The following THSD7B variants were observed in gnomAD, a reference collection of about 807,000 sequenced individuals.
THSD7B encodes the protein thrombospondin type 1 domain containing 7B.
In THSD7B, 138 loss-of-function variants were observed where a neutral mutation model predicts 213.6. That is an observed-to-expected ratio of 0.65 (90% CI 0.56 to 0.74). The LOEUF (loss-of-function observed/expected upper bound fraction) is 0.74, where lower values mean the gene tolerates loss of function less well. Among genes scored for constraint, THSD7B ranks in the 30% least tolerant of loss-of-function variants. The probability of loss-of-function intolerance (pLI) is 0.00; values close to 1 mark genes in which losing one functional copy is unlikely to be tolerated. For missense variants in THSD7B, 1,931 were observed against 1,991.5 expected, an observed-to-expected ratio of 0.97 and a Z score of 0.58; for synonymous variants, 742 against 687.0, an observed-to-expected ratio of 1.08 and a Z score of -1.25.
At chr2:136,929,172 A>G (rs1684590024) in intron 2 of THSD7B, among the ~76,000 whole-genome samples, 1 of 152,196 alleles carries the variant, frequency 6.6e-6, no homozygotes, top group South Asian at 2.1e-4. Context: ...AATGTGTGGG[A>G]TTGCCCGTTT....
At chr2:137,546,139 C>T (rs1349720292) in intron 15 of THSD7B, among the ~76,000 whole-genome samples, 1 of 149,270 alleles carries the variant, frequency 6.7e-6, no homozygotes, top group East Asian at 2.0e-4. Flanking sequence ...GATTTTTACT[C>T]TCCAGAACGA....
At chr2:136,888,910 C>T (rs1383665823) in intron 2 of THSD7B, among the ~76,000 whole-genome samples, 1 of 151,112 alleles carries the variant, frequency 6.6e-6, no homozygotes, top group East Asian at 1.9e-4. Flanking sequence ...ATATCCCCAG[C>T]ACATTAAATA....
intron 12 of THSD7B, among the ~76,000 whole-genome samples, chr2:137,311,974 G>T (rs1218078031): frequency 1.4e-5 from 2 of 145,394 alleles, no homozygotes; most frequent in African/African-American, 2.6e-5. Context: ...TCTCTTTTTT[G>T]GTTGTGTCTC....
rs773745853 is a variant in THSD7B, at chr2:137,563,318, T to C, written c.3236T>C (p.Leu1079Pro). The change falls in exon 16 of 28, where the codon CTG becomes CCG. Residue 1079 changes from leucine to proline, a missense_variant. By Grantham distance (98) the Leu-to-Pro change is moderately conservative (BLOSUM62 -3). Coordinates refer to ENST00000409968, the MANE Select transcript of THSD7B (RefSeq NM_001316349.2). Reference protein sequence around the residue: ...SCKINNELRSLRCGGGTQSRK... With the variant: ...SCKINNELRSPRCGGGTQSRK... ...AAAATCAACAATGAGCTGAGGTCCC[T>C]GCGCTGTGGAGGAGGAACACAATCT... 4 of 1,613,406 alleles carry C rather than the reference T, an allele frequency of 2.5e-6. No homozygotes were observed. In the East Asian group the frequency reaches 6.7e-5, roughly 27 times the overall value.
At chr2:136,917,830 G>A (rs1004733252) in intron 2 of THSD7B, among the ~76,000 whole-genome samples, 2 of 152,126 alleles carry the variant, frequency 1.3e-5, no homozygotes, top group African/African-American at 2.4e-5. Flanking sequence ...ATTCAAATGC[G>A]CCTTGAGCGA....
rs1174108301 is a variant in THSD7B, at chr2:137,677,624, A to C, written c.*1019A>C. On this transcript the variant is annotated 3_prime_UTR_variant, in exon 28 of 28. Coordinates refer to ENST00000409968, the MANE Select transcript of THSD7B (RefSeq NM_001316349.2). Reference sequence around the variant, plus strand: ...AAAAAGCTGAGACCATTTTATGAAGATAATTGTTTGTAATCATAGGTGTTG... The same window carrying C: ...AAAAAGCTGAGACCATTTTATGAAGCTAATTGTTTGTAATCATAGGTGTTG... 1 of 152,656 alleles carries C rather than the reference A, an allele frequency of 6.6e-6. No homozygotes were observed. The highest frequency in any genetic ancestry group is 1.5e-5 in the Non-Finnish European group (1 of 68,036). 9.5% of individuals were successfully genotyped at this position (152,656 alleles called of 1,614,324 possible).
At chr2:137,333,225 A>G (rs1372627757) in intron 12 of THSD7B, among the ~76,000 whole-genome samples, 1 of 152,006 alleles carries the variant, frequency 6.6e-6, no homozygotes, top group African/African-American at 2.4e-5. Flanking sequence ...CGATACATCT[A>G]CCTCCTGGGA....
At chr2:137,326,257 A>G (rs897026885) in intron 12 of THSD7B, among the ~76,000 whole-genome samples, 56 of 152,342 alleles carry the variant, frequency 3.7e-4, no homozygotes, top group African/African-American at 1.3e-3. Context: ...TCAGAAGGGT[A>G]AGAGTGAATA....
At chr2:137,420,419 C>T (rs1269955799) in intron 14 of THSD7B, among the ~76,000 whole-genome samples, 1 of 152,166 alleles carries the variant, frequency 6.6e-6, no homozygotes. Context: ...TGAAAAACCA[C>T]AGACAGTCTT....
At chr2:137,229,235 T>G (rs1350454712) in intron 7 of THSD7B, among the ~76,000 whole-genome samples, 1 of 152,210 alleles carries the variant, frequency 6.6e-6, no homozygotes, top group Non-Finnish European at 1.5e-5. Context: ...TAAAGTATTT[T>G]GTGCACAGAT....
At chr2:137,436,876 CA>C (rs1181822320) in intron 14 of THSD7B, among the ~76,000 whole-genome samples, 1 of 152,098 alleles carries the variant, frequency 6.6e-6, no homozygotes, top group African/African-American at 2.4e-5. Context: ...GTACTGTTGA[CA>C]AGCCCCCAGA....
intron 7 of THSD7B, among the ~76,000 whole-genome samples, chr2:137,192,424 T>C (rs536601606): frequency 3.3e-5 from 5 of 152,194 alleles, no homozygotes; most frequent in African/African-American, 1.2e-4. Context: ...GCCAGAGTGA[T>C]TGGGGCTGGG....
chr2:137,525,335 C>T (rs1234401228), intron 15 of THSD7B, among the ~76,000 whole-genome samples: 3 of 152,176 alleles, frequency 2.0e-5, no homozygotes, highest in African/African-American at 7.2e-5. Context: ...TGCCCCAGAT[C>T]ATAACTGAGG....
At chr2:137,243,458 G>GGCTTCTCTT (rs1681959009) in intron 10 of THSD7B, among the ~76,000 whole-genome samples, 1 of 152,162 alleles carries the variant, frequency 6.6e-6, no homozygotes, top group Non-Finnish European at 1.5e-5. Flanking sequence ...CTGGTCCCTG[G>GGCTTCTCTT]GCTTCTCTTG....
At chr2:137,091,206 CT>C (rs1471206943) in intron 3 of THSD7B, among the ~76,000 whole-genome samples, 3 of 152,152 alleles carry the variant, frequency 2.0e-5, no homozygotes, top group Non-Finnish European at 4.4e-5. Flanking sequence ...CTGTTGGAGA[CT>C]TATTATCTGT....
chr2:137,569,101 A>G (rs768129577), intron 16 of THSD7B, among the ~76,000 whole-genome samples: 26 of 152,210 alleles, frequency 1.7e-4, no homozygotes, highest in Non-Finnish European at 2.9e-5. Context: ...TACAGAAGCC[A>G]GGCACCAAGA....
Position 137,576,803 on chromosome 2 carries a change from C to T in THSD7B, c.3423+4247C>T, listed in dbSNP as rs992339541. ...TTGAGGTTAAGAAAAACACCCCCCC[C>T]CCTTTTTTTAATGGTGCTCCAGTGT... On this transcript the variant is annotated intron_variant, in intron 17 of 27. Coordinates refer to ENST00000409968, the MANE Select transcript of THSD7B (RefSeq NM_001316349.2). Among the ~76,000 whole-genome samples, 4 of 150,862 alleles carry T rather than the reference C, an allele frequency of 2.7e-5. No individual in the cohort carries two copies. The South Asian group carries it at 8.5e-4, about 32-fold the overall frequency.
At chr2:137,265,464 G>A (rs1041187049) in intron 10 of THSD7B, among the ~76,000 whole-genome samples, 4 of 152,290 alleles carry the variant, frequency 2.6e-5, no homozygotes, top group East Asian at 1.9e-4. Flanking sequence ...CCATTACTGG[G>A]TATGTACCCA....
chr2:137,238,279 A>C (rs560713910), intron 9 of THSD7B, among the ~76,000 whole-genome samples: 1 of 152,112 alleles, frequency 6.6e-6, no homozygotes. Flanking sequence ...CCGTATGGGA[A>C]CCCTTGTGAC....
Sources: gnomAD v4.1 joint callset for allele counts (sites outside exome capture counted in the v4.1 genomes callset) on GRCh38, gnomAD v4.1.1 for gene constraint, MANE v1.5 for transcripts, NCBI Gene and HGNC (gene_info 2026-07-23, HGNC 2026-07-21) for gene names.